CACNA2D3: variants seen among roughly 807,000 people sequenced by gnomAD.
CACNA2D3 encodes voltage-dependent calcium channel subunit alpha-2/delta-3.
In CACNA2D3, 60 loss-of-function variants were observed where a neutral mutation model predicts 160.6. That is an observed-to-expected ratio of 0.37 (90% CI 0.30 to 0.46). The LOEUF (loss-of-function observed/expected upper bound fraction) is 0.46, where lower values mean the gene tolerates loss of function less well. Ranked by LOEUF, CACNA2D3 falls within the 20% of genes least tolerant of loss-of-function variation. The pLI is 1.00. For synonymous variants in CACNA2D3, 558 were observed against 492.9 expected (o/e 1.13, Z -1.75); for missense variants, 1,205 against 1,365.0 (o/e 0.88, Z 1.85).
chr3:54,551,739 A>G (rs761329794), intron 5 of CACNA2D3, among the ~76,000 whole-genome samples: 8 of 152,178 alleles, frequency 5.3e-5, no homozygotes, highest in Non-Finnish European at 1.0e-4. Context: ...TTCAAGCAAA[A>G]TGCTTGAGTT....
intron 2 of CACNA2D3, among the ~76,000 whole-genome samples, chr3:54,233,232 G>T (rs903753142): frequency 5.3e-5 from 8 of 152,166 alleles, no homozygotes; most frequent in East Asian, 1.9e-4. Context: ...GCTAACAGGG[G>T]CTTAGTCTGT....
chr3:54,880,769 C>A (rs944878689), intron 20 of CACNA2D3, 27 bp from the exon 21 acceptor site: 1 of 1,601,578 alleles, frequency 6.2e-7, no homozygotes, highest in Non-Finnish European at 8.6e-7. Flanking sequence ...CCAGGGATTT[C>A]AAGATTTGCT....
chr3:55,059,338 CAGA>C (rs1704443720), intron 35 of CACNA2D3, among the ~76,000 whole-genome samples: 2 of 152,110 alleles, frequency 1.3e-5, no homozygotes, highest in Admixed American at 6.5e-5. Flanking sequence ...CTCTGTTTAC[CAGA>C]GAATCATTAC....
chr3:54,258,668 A>G (rs1181099794), intron 2 of CACNA2D3, among the ~76,000 whole-genome samples: 1 of 152,200 alleles, frequency 6.6e-6, no homozygotes, highest in Non-Finnish European at 1.5e-5. Context: ...CATTCAGTGC[A>G]GGAAAAAGAT....
intron 10 of CACNA2D3, chr3:54,633,717 C>G (rs1405786662): frequency 1.3e-5 from 2 of 152,222 alleles, no homozygotes; most frequent in Non-Finnish European, 2.9e-5. Context: ...ACCTGGCTGT[C>G]TCAGTAGTAC....
intron 27 of CACNA2D3, among the ~76,000 whole-genome samples, chr3:54,960,080 A>G (rs907139747): frequency 1.3e-5 from 2 of 152,126 alleles, no homozygotes; most frequent in African/African-American, 4.8e-5. Flanking sequence ...ACAGGACAAA[A>G]AAAAAAAAAA....
At chr3:54,521,253 A>G (rs1701641859) in intron 5 of CACNA2D3, among the ~76,000 whole-genome samples, 1 of 152,214 alleles carries the variant, frequency 6.6e-6, no homozygotes, top group South Asian at 2.1e-4. Context: ...ACTTTTTGTC[A>G]GAAGGGTGAG....
chr3:54,664,592 G>T (rs1468020635), intron 11 of CACNA2D3, among the ~76,000 whole-genome samples: 2 of 152,212 alleles, frequency 1.3e-5, no homozygotes, highest in East Asian at 3.8e-4. Flanking sequence ...CCGCCTGGTT[G>T]TACCTCTCAT....
chr3:54,697,751 A>T (rs763111612), intron 11 of CACNA2D3, among the ~76,000 whole-genome samples: 1 of 152,240 alleles, frequency 6.6e-6, no homozygotes, highest in South Asian at 2.1e-4. Flanking sequence ...CCTTCCATGC[A>T]TTCAAATCAC....
intron 3 of CACNA2D3, among the ~76,000 whole-genome samples, chr3:54,325,279 G>T (rs1331140364): frequency 6.6e-6 from 1 of 152,184 alleles, no homozygotes; most frequent in African/African-American, 2.4e-5. Flanking sequence ...AGCCAAGGGG[G>T]TGTCATGATC....
chr3:54,259,024 G>A lies in CACNA2D3; in HGVS notation c.205-61418G>A, dbSNP rs1575349864. On this transcript the variant is annotated intron_variant, in intron 2 of 37. Transcript: ENST00000474759. ...TATCTCCCATTTTCTGGTTTCTTTG[G>A]GGGAAACTTTTTCTCCTTCCATTTG... 5.9e-5 allele frequency among the ~76,000 whole-genome samples: 9 copies of A among 152,236 alleles called. No individual in the cohort carries two copies. The South Asian group carries it at 1.9e-3, about 32-fold the overall frequency.
intron 3 of CACNA2D3, among the ~76,000 whole-genome samples, chr3:54,373,014 G>A (rs894958219): frequency 8.5e-5 from 13 of 152,188 alleles, no homozygotes; most frequent in African/African-American, 2.9e-4. Context: ...GTTCACATGC[G>A]TCCTATCATG....
At chr3:54,176,255 G>A (rs990067247) in intron 2 of CACNA2D3, among the ~76,000 whole-genome samples, 4 of 151,860 alleles carry the variant, frequency 2.6e-5, no homozygotes, top group African/African-American at 4.8e-5. Context: ...TTCTTTCCTC[G>A]CTCCAGGATT....
chr3:54,812,576 C>T (rs1703346470), intron 13 of CACNA2D3, among the ~76,000 whole-genome samples: 2 of 152,164 alleles, frequency 1.3e-5, no homozygotes, highest in African/African-American at 4.8e-5. Flanking sequence ...GTTCTCTGTC[C>T]TCCATCCAGA....
chr3:54,550,429 A>G (rs1018650232), intron 5 of CACNA2D3, among the ~76,000 whole-genome samples: 10 of 152,182 alleles, frequency 6.6e-5, no homozygotes, highest in African/African-American at 1.4e-4. Flanking sequence ...CGCGTGGCGC[A>G]GTGGCTCCCG....
At chr3:54,135,965 G>A (rs970124643) in intron 2 of CACNA2D3, among the ~76,000 whole-genome samples, 25 of 152,242 alleles carry the variant, frequency 1.6e-4, no homozygotes, top group Non-Finnish European at 2.6e-4. Context: ...ACGTCCCACC[G>A]TGGGCTTCTT....
chr3:55,063,974 C>T (rs1177021861), intron 35 of CACNA2D3, among the ~76,000 whole-genome samples: 1 of 152,202 alleles, frequency 6.6e-6, no homozygotes, highest in Non-Finnish European at 1.5e-5. Context: ...AAACTTTTTC[C>T]TTCTTTCTGT....
At chr3:54,894,888 G>C (rs1700153623) in intron 25 of CACNA2D3, 2 of 320,746 alleles carry the variant, frequency 6.2e-6, no homozygotes, top group African/African-American at 4.3e-5. Context: ...TGGAAGTCCT[G>C]ATCTCCAGCA....
In CACNA2D3 at chr3:54,557,103, G is replaced by A. The variant is rs145425347; in HGVS notation, c.545-5697G>A. Among the ~76,000 whole-genome samples the A allele has an allele frequency of 2.2e-4, 33 of 152,112 alleles. No individual in the cohort carries two copies. The East Asian group carries it at 3.3e-3, about 15-fold the overall frequency. ...TAAGATTTCCCCTTCTATTAAAACT[G>A]CTTGCTAAGCAAGCTTGTGAAATCA... On this transcript the variant is annotated intron_variant, in intron 5 of 37. Transcript: ENST00000474759.
Sources: gnomAD v4.1 joint callset for allele counts (sites outside exome capture counted in the v4.1 genomes callset) on GRCh38, gnomAD v4.1.1 for gene constraint, MANE v1.5 for transcripts, NCBI Gene and HGNC (gene_info 2026-07-23, HGNC 2026-07-21) for gene names.